TXNRD1: variants seen among roughly 807,000 people sequenced by gnomAD.
The protein encoded by TXNRD1 is thioredoxin reductase 1, also known as thioredoxin reductase 1, cytoplasmic.
TXNRD1 carries 57 observed loss-of-function variants against 80.3 expected under a neutral mutation model. The observed-to-expected ratio is 0.71, with a 90% CI of 0.57 to 0.89. The LOEUF is 0.89. Ranked by LOEUF, TXNRD1 falls within the 40% of genes least tolerant of loss-of-function variation. The pLI is 0.00. For synonymous variants in TXNRD1, 291 were observed against 285.2 expected (o/e 1.02, Z -0.20); for missense variants, 730 against 803.0 (o/e 0.91, Z 1.10).
At chr12:104,288,611 G>T (rs985968721) in intron 3 of TXNRD1, 1 of 492,266 alleles carries the variant, frequency 2.0e-6, no homozygotes, top group Non-Finnish European at 3.1e-6. Flanking sequence ...CTGAATTCGG[G>T]ATTTACCGGG....
At chr12:104,267,693 CTTT>C (rs2033549773) in intron 3 of TXNRD1, among the ~76,000 whole-genome samples, 3 of 25,890 alleles carry the variant, frequency 1.2e-4, no homozygotes, top group African/African-American at 3.8e-4. Context: ...TTCTTTCTTT[CTTT>C]CTTTCTCTCT....
intron 3 of TXNRD1, among the ~76,000 whole-genome samples, chr12:104,274,237 C>CA (rs1444947118): frequency 1.3e-5 from 2 of 152,038 alleles, no homozygotes; most frequent in Non-Finnish European, 2.9e-5. Context: ...TAGAAAGATC[C>CA]AAGGCTCCTT....
chr12:104,314,873 C>A (rs1167594551), intron 6 of TXNRD1, among the ~76,000 whole-genome samples: 1 of 151,418 alleles, frequency 6.6e-6, no homozygotes. Context: ...TCCTTAGTAG[C>A]TGGGATTACA....
intron 7 of TXNRD1, 85 bp downstream of exon 7, chr12:104,315,981 A>G: frequency 1.4e-6 from 2 of 1,446,712 alleles, no homozygotes; most frequent in East Asian, 2.6e-5. Flanking sequence ...ATTTTCATGA[A>G]GATAGCAAAT....
In TXNRD1 at chr12:104,251,653, G is replaced by A; in HGVS notation, c.218G>A (p.Arg73Lys). ...GGTCACTCTGTGGTCATCTTCAGTA[G>A]GTCCACATGCACACGCTGTACTGAG... ...IDGHSVVIFS[R>K]STCTRCTEVK... Residue 73 changes from arginine (R) to lysine (K), a missense_variant, in exon 2 of 17, where the codon AGG becomes AAG. Physicochemically the swap from Arg to Lys is conservative, Grantham distance 26. Coordinates refer to ENST00000525566, the MANE Select transcript of TXNRD1 (RefSeq NM_001093771.3). 3 of 1,613,918 alleles carry A rather than the reference G, an allele frequency of 1.9e-6. No individual in the cohort carries two copies. The highest frequency in any genetic ancestry group is 2.5e-6 in the Non-Finnish European group (3 of 1,179,858).
chr12:104,332,335 A>T (rs930480378), intron 14 of TXNRD1, among the ~76,000 whole-genome samples: 2 of 152,244 alleles, frequency 1.3e-5, no homozygotes, highest in Non-Finnish European at 2.9e-5. Flanking sequence ...GTCAATTTTT[A>T]AAAATAAAAA....
chr12:104,343,097 G>A (rs1487169755), intron 16 of TXNRD1, among the ~76,000 whole-genome samples: 1 of 152,240 alleles, frequency 6.6e-6, no homozygotes, highest in Non-Finnish European at 1.5e-5. Context: ...CCACTGATGT[G>A]TGTGAGGGCC....
At chr12:104,243,739 G>A (rs1018240359) in intron 1 of TXNRD1, among the ~76,000 whole-genome samples, 5 of 152,232 alleles carry the variant, frequency 3.3e-5, no homozygotes, top group Non-Finnish European at 4.4e-5. Flanking sequence ...AGCAGGCAGA[G>A]TGGCGTGCTA....
intron 6 of TXNRD1, among the ~76,000 whole-genome samples, chr12:104,314,574 C>G (rs910531866): frequency 6.6e-6 from 1 of 151,986 alleles, no homozygotes; most frequent in Non-Finnish European, 1.5e-5. Context: ...GGTCACCTGC[C>G]TGTGTTTTGT....
At chr12:104,229,010 T>A (rs2032542464) in intron 1 of TXNRD1, among the ~76,000 whole-genome samples, 1 of 152,056 alleles carries the variant, frequency 6.6e-6, no homozygotes, top group Admixed American at 6.6e-5. Flanking sequence ...TGAGCCACCG[T>A]GCCCAGCCTA....
Position 104,350,208 on chromosome 12 carries a change from C to T in TXNRD1, c.*1787C>T, listed in dbSNP as rs183095122. 6.6e-5 allele frequency: 10 copies of T among 152,040 alleles called. No homozygotes were observed. The highest frequency in any genetic ancestry group is 1.2e-4 in the Non-Finnish European group (8 of 67,992). The allele number at this position is 152,040 out of a possible 1,614,324, so 9.4% of individuals were successfully genotyped here. Reference sequence around the variant, plus strand: ...ATTTTATTGAAACATATACTAAGTTCCATGTATTTTTGTTACAAATCTTCT... The same window carrying T: ...ATTTTATTGAAACATATACTAAGTTTCATGTATTTTTGTTACAAATCTTCT... On this transcript the variant is annotated 3_prime_UTR_variant, in exon 17 of 17. Coordinates refer to ENST00000525566, the MANE Select transcript of TXNRD1 (RefSeq NM_001093771.3).
chr12:104,245,986 T>G (rs11111947), intron 1 of TXNRD1, among the ~76,000 whole-genome samples: 7,391 of 148,806 alleles, frequency 0.05, 480 homozygotes, highest in African/African-American at 0.16. Context: ...GGTGGCGGGC[T>G]CCTGTAGTCC....
At position 104,294,240 on chromosome 12, in the gene TXNRD1, C is replaced by CA. The variant is rs886534443; in HGVS notation, c.414+5200_414+5201insA. 1.4e-4 allele frequency among the ~76,000 whole-genome samples: 17 copies of CA among 123,636 alleles called. 5 individuals are homozygous for CA. The highest frequency in any genetic ancestry group is 6.9e-4 in the East Asian group (2 of 2,896). The allele number at this position is 123,636 out of a possible 152,430, so 81.1% of individuals were successfully genotyped here. On this transcript the variant is annotated intron_variant, in intron 4 of 16. Transcript: ENST00000525566. Reference sequence around the variant, plus strand: ...AAACTCCCCCGGGGAAAGGCCCCCCCCCCCGCCGCCGGCTTTCCCGGTCTG... The same window carrying CA: ...AAACTCCCCCGGGGAAAGGCCCCCCCACCCCGCCGCCGGCTTTCCCGGTCTG...
intron 4 of TXNRD1, chr12:104,304,159 C>T (rs1437547994): frequency 1.2e-6 from 2 of 1,613,964 alleles, no homozygotes; most frequent in Non-Finnish European, 8.5e-7. Flanking sequence ...AAGCCAACGT[C>T]CTCTTTGATG....
chr12:104,221,506 A>G (rs1388261146), intron 1 of TXNRD1, among the ~76,000 whole-genome samples: 1 of 151,984 alleles, frequency 6.6e-6, no homozygotes, highest in African/African-American at 2.4e-5. Context: ...TTGTAAAGAC[A>G]AGGGTTTCTC....
chr12:104,304,462 G>A (rs763953750), intron 4 of TXNRD1: 33 of 1,613,888 alleles, frequency 2.0e-5, no homozygotes, highest in Non-Finnish European at 2.8e-5. Flanking sequence ...GTTCATTCAA[G>A]CTAGAACGTT....
intron 9 of TXNRD1, among the ~76,000 whole-genome samples, chr12:104,320,369 T>G (rs2035485613): frequency 6.6e-6 from 1 of 152,180 alleles, no homozygotes; most frequent in Admixed American, 6.5e-5. Flanking sequence ...GGGCCTTTTT[T>G]ATGAGGACAG....
chr12:104,327,655 C>G lies in TXNRD1; in HGVS notation c.1526C>G (p.Ala509Gly). Residue 509 changes from alanine to glycine, a missense_variant, in exon 13 of 17, where the codon GCA becomes GGA. Coordinates refer to ENST00000525566, the MANE Select transcript of TXNRD1 (RefSeq NM_001093771.3). The stretch of plus-strand genomic sequence containing the variant: ...AGATTGCTGGCTCAGAGGCTCTATG[C>G]AGGTTCCACTGTCAAGGTGAGTGTT... ...AGRLLAQRLY[A>G]GSTVKCDYEN... The G allele has an allele frequency of 6.2e-7, 1 of 1,613,524 alleles. No individual in the cohort carries two copies. Among genetic ancestry groups the G allele is most frequent in the East Asian group, 2.2e-5 (1 of 44,872 alleles).
chr12:104,241,465 C>T (rs985398212), intron 1 of TXNRD1, among the ~76,000 whole-genome samples: 4 of 151,846 alleles, frequency 2.6e-5, no homozygotes, highest in East Asian at 2.0e-4. Flanking sequence ...TCGCCTCCCA[C>T]GTTGAAGCGA....
Sources: allele counts gnomAD v4.1 joint callset (sites outside exome capture counted in the v4.1 genomes callset), GRCh38; gene constraint gnomAD v4.1.1; transcripts MANE v1.5; gene names NCBI Gene and HGNC (gene_info 2026-07-23, HGNC 2026-07-21).